Variants in GAB4 observed in about 807,000 individuals in gnomAD.
GAB4 encodes GRB2 associated binding protein family member 4, also known as GRB2-associated-binding protein 4.
Under a neutral mutation model 51.3 loss-of-function variants are expected in GAB4, and 26 were observed. The observed-to-expected ratio is 0.51, with a 90% CI of 0.37 to 0.70. The LOEUF (loss-of-function observed/expected upper bound fraction) is 0.70. GAB4 is among the 30% of genes least tolerant of loss of function. The pLI is 0.00. For missense variants in GAB4, 759 were observed against 734.6 expected, an observed-to-expected ratio of 1.03 and a Z score of -0.38; for synonymous variants, 329 against 291.2, an observed-to-expected ratio of 1.13 and a Z score of -1.32.
chr22:16,962,491 G>A lies in GAB4; in HGVS notation c.*242C>T, dbSNP rs1024732. ...GAGAGTGGAAATCTGTTGGGAGCCC[G>A]GGTCTGAGGGGCAGGAAGAGACTGA... On this transcript the variant is annotated 3_prime_UTR_variant, in exon 10 of 10. Coordinates refer to ENST00000400588, the MANE Select transcript of GAB4 (RefSeq NM_001037814.1). The A allele has an allele frequency of 0.37, 134,878 of 366,620 alleles. 25,403 individuals are homozygous for A. Among genetic ancestry groups the A allele is most frequent in the South Asian group, 0.46 (4,516 of 9,788 alleles). 22.7% of individuals were successfully genotyped at this position (366,620 alleles called of 1,614,324 possible).
chr22:16,998,096 T>C (rs528269865), intron 1 of GAB4, among the ~76,000 whole-genome samples: 1 of 152,374 alleles, frequency 6.6e-6, no homozygotes, highest in East Asian at 1.9e-4. Flanking sequence ...TCCAGCTTTG[T>C]TCTTTTGGCT....
intron 3 of GAB4, among the ~76,000 whole-genome samples, chr22:16,980,482 G>T (rs991639486): frequency 6.6e-6 from 1 of 152,186 alleles, no homozygotes; most frequent in African/African-American, 2.4e-5. Flanking sequence ...AGTTAGAATA[G>T]TGATCATTAA....
chr22:16,976,452 T>A (rs1399113895), intron 3 of GAB4, among the ~76,000 whole-genome samples: 1 of 152,066 alleles, frequency 6.6e-6, no homozygotes, highest in Non-Finnish European at 1.5e-5. Context: ...AAATAAAGCA[T>A]GAAGACGAGA....
chr22:17,006,898 C>CT (rs771631657), intron 1 of GAB4, among the ~76,000 whole-genome samples: 1 of 152,070 alleles, frequency 6.6e-6, no homozygotes, highest in Non-Finnish European at 1.5e-5. Flanking sequence ...CGAGAAATAC[C>CT]TAATGTAGAT....
chr22:16,993,556 C>T (rs2060929634), intron 1 of GAB4, among the ~76,000 whole-genome samples: 1 of 152,140 alleles, frequency 6.6e-6, no homozygotes, highest in Non-Finnish European at 1.5e-5. Flanking sequence ...CTTCTTTCTC[C>T]ATTCCTCTTA....
intron 8 of GAB4, among the ~76,000 whole-genome samples, chr22:16,964,109 C>T (rs1422488899): frequency 6.6e-6 from 1 of 152,178 alleles, no homozygotes; most frequent in Admixed American, 6.5e-5. Flanking sequence ...GCCTCCCCCT[C>T]CAGCTCCCAG....
Position 16,962,706 on chromosome 22 carries a change from GC to G in GAB4, c.*26del. 1 of 1,601,426 alleles carries G rather than the reference GC, an allele frequency of 6.2e-7. No homozygotes were observed. On this transcript the variant is annotated 3_prime_UTR_variant, in exon 10 of 10. Coordinates refer to ENST00000400588, the MANE Select transcript of GAB4 (RefSeq NM_001037814.1). The stretch of plus-strand genomic sequence containing the variant: ...GGAGCAGCTCTGAGGCACTGTCCTG[GC>G]CCCACTCTGGTTTTGGTGGCCCGAG...
At chr22:16,996,027 G>C (rs1340146663) in intron 1 of GAB4, among the ~76,000 whole-genome samples, 1 of 151,964 alleles carries the variant, frequency 6.6e-6, no homozygotes, top group Non-Finnish European at 1.5e-5. Flanking sequence ...AAGGAGCATG[G>C]TCTAACCCAA....
chr22:17,003,494 T>G (rs1013219524), intron 1 of GAB4, among the ~76,000 whole-genome samples: 1 of 152,154 alleles, frequency 6.6e-6, no homozygotes, highest in African/African-American at 2.4e-5. Context: ...TAGACCCCAG[T>G]ACAATCAAAT....
chr22:17,002,165 C>T (rs2061003044), intron 1 of GAB4, among the ~76,000 whole-genome samples: 1 of 152,120 alleles, frequency 6.6e-6, no homozygotes, highest in Non-Finnish European at 1.5e-5. Context: ...GTCTGACAAG[C>T]CCCTGTGAGA....
rs374260412 is a variant in GAB4, at chr22:16,965,286, C to T, written c.1289-18G>A. On this transcript the variant is annotated intron_variant, in intron 6 of 9. Transcript: ENST00000400588. ...TGGGTTGGCTGGAGCAGGAAAAGAACCTTGTCATCAGCCAGTGATGACACC... is the reference window on the plus strand; with the variant it reads ...TGGGTTGGCTGGAGCAGGAAAAGAATCTTGTCATCAGCCAGTGATGACACC... The T allele has an allele frequency of 5.0e-6, 8 of 1,603,750 alleles. No homozygotes were observed. In the African/African-American group the frequency reaches 1.1e-4, roughly 21 times the overall value.
intron 6 of GAB4, 38 bp from the exon 7 acceptor site, chr22:16,965,306 G>A (rs368192639): frequency 6.6e-7 from 1 of 1,510,060 alleles, no homozygotes; most frequent in African/African-American, 1.4e-5. Flanking sequence ...AGCCAGTGAT[G>A]ACACCACACC....
chr22:16,987,880 GA>G, intron 3 of GAB4, 79 bp downstream of exon 3: 1 of 1,092,944 alleles, frequency 9.1e-7, no homozygotes, highest in Non-Finnish European at 1.3e-6. Context: ...CTTTCTCTTT[GA>G]AATTTAAAAA....
In GAB4 at chr22:16,966,291, G is replaced by A. The variant is rs772328196; in HGVS notation, c.1097C>T (p.Ser366Phe). The A allele has an allele frequency of 6.8e-6, 11 of 1,613,728 alleles. No individual in the cohort carries two copies. Among genetic ancestry groups the A allele is most frequent in the East Asian group, 4.5e-5 (2 of 44,886 alleles). The change falls in exon 6 of 10, where the codon TCC becomes TTC. Residue 366 changes from serine (S) to phenylalanine (F), a missense_variant. Physicochemically the swap from Ser to Phe is radical, Grantham distance 155 (BLOSUM62 -2). This residue lies in a region of GAB4 where 588 missense variants were observed against 510.2 expected (regional missense o/e 1.15). Transcript: ENST00000400588. ...EGSCVPMNPGSPTLPAVKQAG... is the reference protein window; with the variant it reads ...EGSCVPMNPGFPTLPAVKQAG... ...TTGCTTCACAGCCGGCAGGGTAGGG[G>A]AGCCTGGGTTCATGGGCACACAGCT...
At chr22:16,984,323 A>G (rs2060849965) in intron 3 of GAB4, among the ~76,000 whole-genome samples, 1 of 152,232 alleles carries the variant, frequency 6.6e-6, no homozygotes, top group African/African-American at 2.4e-5. Flanking sequence ...GCATGGAGAA[A>G]TGGGAATGCT....
intron 1 of GAB4, among the ~76,000 whole-genome samples, chr22:17,003,982 T>C (rs912554206): frequency 6.6e-6 from 1 of 152,014 alleles, no homozygotes; most frequent in African/African-American, 2.4e-5. Flanking sequence ...CAAAAAATGA[T>C]AGAGGGGTAT....
At chr22:16,988,558 G>A (rs1408166609) in intron 2 of GAB4, among the ~76,000 whole-genome samples, 6 of 152,224 alleles carry the variant, frequency 3.9e-5, no homozygotes, top group Admixed American at 1.3e-4. Context: ...CTGTCTGGGT[G>A]AAGCGAGGCT....
At position 17,008,066 on chromosome 22, in the gene GAB4, G is replaced by T. The variant is rs1349493833; in HGVS notation, c.49C>A (p.Pro17Thr). ...CACGAAGACAAAGGCGCAAATGCCG[G>T]GTCAGGTGGGCACAGCTCCCGGGAG... The part of the protein sequence containing the change: ...SPSRELCPPD[P>T]AFAPLSSWPG... The change falls in exon 1 of 10, where the codon CCG becomes ACG. Residue 17 changes from proline to threonine, a missense_variant. Around this residue, in one of 3 missense-constraint regions of GAB4, gnomAD observed 83 missense variants for 73.1 expected, o/e 1.14. Coordinates refer to ENST00000400588, the MANE Select transcript of GAB4 (RefSeq NM_001037814.1). The T allele has an allele frequency of 6.2e-7, 1 of 1,608,192 alleles. No homozygotes were observed. Among genetic ancestry groups the T allele is most frequent in the Non-Finnish European group, 8.5e-7 (1 of 1,177,452 alleles).
At chr22:16,965,752 T>A (rs1390511374) in intron 6 of GAB4, among the ~76,000 whole-genome samples, 1 of 152,136 alleles carries the variant, frequency 6.6e-6, no homozygotes, top group African/African-American at 2.4e-5. Flanking sequence ...CCCCACCCAG[T>A]TATCCCACTC....
Sources: gnomAD v4.1 joint callset for allele counts (sites outside exome capture counted in the v4.1 genomes callset) on GRCh38, gnomAD v4.1.1 for gene constraint, gnomAD v4.1.1 regional missense constraint, MANE v1.5 for transcripts, NCBI Gene and HGNC (gene_info 2026-07-23, HGNC 2026-07-21) for gene names.